Variants in MYO15A observed in about 807,000 individuals in gnomAD.
MYO15A encodes the protein unconventional myosin-XV.
In MYO15A, 308 loss-of-function variants were observed where a neutral mutation model predicts 394.6. The observed-to-expected ratio is 0.78, with a 90% CI of 0.71 to 0.86. The LOEUF (loss-of-function observed/expected upper bound fraction) is 0.86, where lower values mean the gene tolerates loss of function less well. Among genes scored for constraint, MYO15A ranks in the 40% least tolerant of loss-of-function variants. MYO15A has a pLI of 0.00. For synonymous variants in MYO15A, 1,957 were observed against 2,003.8 expected, an observed-to-expected ratio of 0.98 and a Z score of 0.62; for missense variants, 4,606 against 4,799.1, an observed-to-expected ratio of 0.96 and a Z score of 1.19.
Position 18,155,101 on chromosome 17 carries a change from C to T in MYO15A, c.8225-9C>T, listed in dbSNP as rs774031014. 15 of 1,611,402 alleles carry T rather than the reference C, an allele frequency of 9.3e-6. No homozygotes were observed. The highest frequency in any genetic ancestry group is 1.7e-5 in the Admixed American group (1 of 59,788). ...GGAGAGGGTCCTGACCAGACCTGGC[C>T]TCCCATAGCCCAGAACCAGCTGGAC... On this transcript the variant is annotated splice_polypyrimidine_tract_variant and intron_variant, in intron 45 of 65. Coordinates refer to ENST00000647165, the MANE Select transcript of MYO15A (RefSeq NM_016239.4).
At position 18,169,150 on chromosome 17, in the gene MYO15A, AT is replaced by A. The variant is rs1230058651; in HGVS notation, c.10082+1428del. On this transcript the variant is annotated intron_variant, in intron 62 of 65. Coordinates refer to ENST00000647165, the MANE Select transcript of MYO15A (RefSeq NM_016239.4). ...AATAATAATAATAATAATAATAATA[AT>A]AATAATAAAAATAGGCTGGGCACAG... is the stretch of plus-strand genomic sequence containing the variant. Among the ~76,000 whole-genome samples the A allele has an allele frequency of 5.5e-3, 780 of 141,554 alleles. 4 individuals are homozygous for A. The highest frequency in any genetic ancestry group is 7.6e-3 in the Middle Eastern group (2 of 264). 92.9% of individuals were successfully genotyped at this position (141,554 alleles called of 152,430 possible). A position where few individuals can be genotyped will look rare whatever the true frequency, so the allele number is the denominator to read the frequency against.
intron 8 of MYO15A, 93 bp from the exon 9 acceptor site, chr17:18,131,146 G>A: frequency 8.5e-7 from 1 of 1,175,788 alleles, no homozygotes. Context: ...CCTTGGGAAG[G>A]CTCATGTCTG....
At chr17:18,135,948 C>A in intron 13 of MYO15A, 124 bp downstream of exon 13, 2 of 882,918 alleles carry the variant, frequency 2.3e-6, no homozygotes, top group South Asian at 1.5e-5. Flanking sequence ...CTGGGTCAGG[C>A]ATGGAGGGGA....
rs181831733 is a variant in MYO15A, at chr17:18,135,909, C to T, written c.4596+85C>T. 13 of 1,225,172 alleles carry T rather than the reference C, an allele frequency of 1.1e-5. No individual in the cohort carries two copies. The Admixed American group carries it at 2.4e-4, about 22-fold the overall frequency. The allele number at this position is 1,225,172 out of a possible 1,614,324, so 75.9% of individuals were successfully genotyped here. A position where few individuals can be genotyped will look rare whatever the true frequency, so the allele number is the denominator to read the frequency against. ...GCTTGTGCCGATCCTTTGTGGGCAG[C>T]CTCTCCCTCTCTCCTGCTCTCTCTG... On this transcript the variant is annotated intron_variant, in intron 13 of 65. Transcript: ENST00000647165.
At chr17:18,161,078 GTCGCAGTGCT>G (rs1401310244) in intron 56 of MYO15A, 1 of 672,894 alleles carries the variant, frequency 1.5e-6, no homozygotes, top group Non-Finnish European at 2.7e-6. Flanking sequence ...AGAGGAAAGA[GTCGCAGTGCT>G]TCCCCTACCT....
At chr17:18,126,742 G>A in intron 5 of MYO15A, 49 bp from the exon 6 acceptor site, 1 of 1,589,436 alleles carries the variant, frequency 6.3e-7, no homozygotes, top group Non-Finnish European at 8.6e-7. Context: ...TCCCTGGGAG[G>A]TGTGGGAGCT....
intron 62 of MYO15A, chr17:18,169,397 C>A (rs914678473): frequency 2.6e-5 from 4 of 151,326 alleles, no homozygotes; most frequent in Non-Finnish European, 4.4e-5. Flanking sequence ...TTGCAGTGAG[C>A]CAAAATCATG....
intron 4 of MYO15A, chr17:18,125,708 C>CAAAAAA (rs5819643): frequency 1.7e-5 from 1 of 59,638 alleles, no homozygotes; most frequent in African/African-American, 8.2e-5. Flanking sequence ...GACTCCATCT[C>CAAAAAA]AAAAAAAAAA....
chr17:18,147,887 T>G lies in MYO15A; in HGVS notation c.6510-142T>G, dbSNP rs1234681888. The G allele has an allele frequency of 1.8e-6, 2 of 1,085,110 alleles. No individual in the cohort carries two copies. Among genetic ancestry groups the G allele is most frequent in the Non-Finnish European group, 2.8e-6 (2 of 726,968 alleles). The allele number at this position is 1,085,110 out of a possible 1,614,324, so 67.2% of individuals were successfully genotyped here. ...GACCCTTGTGAACCAGCCTGGAGCC[T>G]TTTTAGCCTCACCTTGGAGCTCTGG... On this transcript the variant is annotated intron_variant, in intron 30 of 65. Transcript: ENST00000647165. The surrounding 1 kb of genome is among the most constrained non-coding windows in gnomAD (Gnocchi z 4.4).
intron 7 of MYO15A, among the ~76,000 whole-genome samples, chr17:18,128,467 T>C (rs1394443459): frequency 2.6e-5 from 4 of 152,162 alleles, no homozygotes; most frequent in Non-Finnish European, 5.9e-5. Flanking sequence ...CTGCTCAGGC[T>C]TTGCAGTCAG....
chr17:18,154,596 T>C, intron 44 of MYO15A, 84 bp from the exon 45 acceptor site: 1 of 1,422,642 alleles, frequency 7.0e-7, no homozygotes, highest in Non-Finnish European at 9.8e-7. Flanking sequence ...CCCTCCCACA[T>C]TGCCACTCAC....
chr17:18,118,729 C>T lies in MYO15A; in HGVS notation c.-72C>T, dbSNP rs1222346625. The T allele has an allele frequency of 1.9e-5, 30 of 1,601,706 alleles. No homozygotes were observed. Among genetic ancestry groups the T allele is most frequent in the Non-Finnish European group, 2.6e-5 (30 of 1,175,542 alleles). On this transcript the variant is annotated 5_prime_UTR_variant, in exon 2 of 66. The change creates a premature stop within an existing upstream ORF in the 5' untranslated region. Transcript: ENST00000647165. ...GTCCAGCCGCGGGCAAGAGACAGAG[C>T]AGGTCCCTGTGTCTCCAAGTCCCTG...
intron 1 of MYO15A, among the ~76,000 whole-genome samples, chr17:18,113,778 T>C (rs530052751): frequency 4.9e-5 from 7 of 144,290 alleles, no homozygotes; most frequent in African/African-American, 1.9e-4. Flanking sequence ...TACAAACTTA[T>C]ATTCTTAGCA....
chr17:18,133,782 G>A (rs1406581320), intron 12 of MYO15A, among the ~76,000 whole-genome samples: 5 of 151,340 alleles, frequency 3.3e-5, no homozygotes, highest in South Asian at 2.1e-4. Context: ...TCAGCCTCCC[G>A]ACTGCCTGGG....
At position 18,126,474 on chromosome 17, in the gene MYO15A, G is replaced by A. The variant is rs73979300; in HGVS notation, c.3866+18G>A. ...AATCCCCCGTGAGTGTCTCGGGGGC[G>A]CTGCCCTGGGGTCTCTTGGGCCCCT... On this transcript the variant is annotated intron_variant, in intron 5 of 65. Coordinates refer to ENST00000647165, the MANE Select transcript of MYO15A (RefSeq NM_016239.4). 1,394 of 1,603,752 alleles carry A rather than the reference G, an allele frequency of 8.7e-4. 8 individuals carry two copies. The African/African-American group carries it at 0.013, about 15-fold the overall frequency.
chr17:18,170,266 G>A (rs913023176), intron 62 of MYO15A, among the ~76,000 whole-genome samples: 1 of 152,016 alleles, frequency 6.6e-6, no homozygotes, highest in Non-Finnish European at 1.5e-5. Flanking sequence ...GTAAGATGAT[G>A]TCCGTACCAT....
chr17:18,138,789 C>T, intron 17 of MYO15A, 22 bp from the exon 18 acceptor site: 1 of 1,613,152 alleles, frequency 6.2e-7, no homozygotes, highest in Non-Finnish European at 8.5e-7. Context: ...TGCCCACCCA[C>T]TGATCCCTAA....
At position 18,120,853 on chromosome 17, in the gene MYO15A, T is replaced by TC. The variant is rs1300087539; in HGVS notation, c.2054dup (p.Leu687ProfsTer293). 5.8e-6 allele frequency: 7 copies of TC among 1,203,528 alleles called. No homozygotes were observed. The highest frequency in any genetic ancestry group is 8.7e-5 in the Admixed American group (2 of 22,890). 74.6% of individuals were successfully genotyped at this position (1,203,528 alleles called of 1,614,324 possible). On this transcript the variant is annotated frameshift_variant, in exon 2 of 66. Transcript: ENST00000647165. LOFTEE classifies it high-confidence loss of function. ...CGCGCCGCCGCTCTCCCCGGCGCTC[T>TC]CGGGCCTGCCCCGGCCGGCCTCGCC...
chr17:18,156,199 G>A lies in MYO15A; in HGVS notation c.8464G>A (p.Ala2822Thr). ...QLRVLRAYSF[A>T]DILFVTMPSQ... is the part of the protein sequence containing the mutation. The stretch of plus-strand genomic sequence containing the variant: ...TGCCACCGGCCCATCCTCCAGCTTT[G>A]CAGATATCCTGTTTGTGACCATGCC... The change falls in exon 48 of 66, where the codon GCA (alanine) becomes ACA (threonine). Residue 2822 changes from alanine to threonine, a missense_variant. By Grantham distance (58) the Ala-to-Thr change is moderately conservative. Around this residue, in one of 2 missense-constraint regions of MYO15A, gnomAD observed 2,776 missense variants for 3,109.3 expected, o/e 0.89. Transcript: ENST00000647165. 6.2e-7 allele frequency: 1 copy of A among 1,614,104 alleles called. No individual in the cohort carries two copies. Among genetic ancestry groups the A allele is most frequent in the Non-Finnish European group, 8.5e-7 (1 of 1,179,986 alleles).
Sources: allele counts gnomAD v4.1 joint callset (sites outside exome capture counted in the v4.1 genomes callset), GRCh38; gene constraint gnomAD v4.1.1; regional missense constraint gnomAD v4.1.1; non-coding constraint Gnocchi (gnomAD v3.1); transcripts MANE v1.5; gene names NCBI Gene and HGNC (gene_info 2026-07-23, HGNC 2026-07-21).